Variants in SCG5 observed in about 807,000 individuals in gnomAD.
SCG5 encodes secretogranin V.
A neutral mutation model predicts 25.7 loss-of-function variants in SCG5; 18 were observed. The ratio of observed to expected loss-of-function variants is 0.70; its 90% CI spans 0.48 to 1.04. The LOEUF (loss-of-function observed/expected upper bound fraction) is 1.04. Among genes scored for constraint, SCG5 ranks in the 50% least tolerant of loss-of-function variants. The pLI is 0.00. For missense variants in SCG5, 206 were observed against 259.8 expected, an observed-to-expected ratio of 0.79 and a Z score of 1.42; for synonymous variants, 101 against 91.7, an observed-to-expected ratio of 1.10 and a Z score of -0.58.
In SCG5 at chr15:32,642,863, A is replaced by G. The variant is rs560032218; in HGVS notation, c.-7-723A>G. Among the ~76,000 whole-genome samples the G allele has an allele frequency of 2.0e-5, 3 of 152,186 alleles. No individual in the cohort carries two copies. The East Asian group carries it at 5.8e-4, about 29-fold the overall frequency. ...TTCTGTGCCTGGCATTGTCCTAAAC[A>G]CTCTTAACATGTATTTGCACACACC... On this transcript the variant is annotated intron_variant, in intron 1 of 5. Transcript: ENST00000300175.
At chr15:32,689,467 C>T (rs1287431121) in intron 4 of SCG5, among the ~76,000 whole-genome samples, 1 of 152,156 alleles carries the variant, frequency 6.6e-6, no homozygotes, top group Non-Finnish European at 1.5e-5. Flanking sequence ...AGCTCCCTGG[C>T]TGTATTTAGG....
At chr15:32,689,308 G>A (rs1156854105) in intron 4 of SCG5, among the ~76,000 whole-genome samples, 1 of 152,094 alleles carries the variant, frequency 6.6e-6, no homozygotes, top group Admixed American at 6.6e-5. Context: ...TGGCCAGTGC[G>A]AGTCTCCTCA....
At chr15:32,648,384 G>T (rs2053978635) in intron 2 of SCG5, among the ~76,000 whole-genome samples, 1 of 152,072 alleles carries the variant, frequency 6.6e-6, no homozygotes, top group South Asian at 2.1e-4. Context: ...ATCCCTTTTC[G>T]ATTGTTCTTC....
chr15:32,646,957 A>C (rs972684614), intron 2 of SCG5, among the ~76,000 whole-genome samples: 1 of 152,214 alleles, frequency 6.6e-6, no homozygotes, highest in Non-Finnish European at 1.5e-5. Flanking sequence ...GAATATACAT[A>C]ATATATTATC....
At chr15:32,659,227 G>A (rs1225431878) in intron 2 of SCG5, among the ~76,000 whole-genome samples, 1 of 152,110 alleles carries the variant, frequency 6.6e-6, no homozygotes, top group Non-Finnish European at 1.5e-5. Flanking sequence ...GATAATAGGA[G>A]AAATGTGCCC....
chr15:32,663,074 T>TATAA (rs2054260131), intron 2 of SCG5, among the ~76,000 whole-genome samples: 1 of 59,146 alleles, frequency 1.7e-5, no homozygotes, highest in African/African-American at 5.5e-5. Context: ...TATATATATA[T>TATAA]ATATAATATA....
intron 2 of SCG5, among the ~76,000 whole-genome samples, chr15:32,650,510 C>T (rs561442544): frequency 2.6e-5 from 4 of 152,340 alleles, no homozygotes; most frequent in African/African-American, 4.8e-5. Flanking sequence ...CGGTTGCTCA[C>T]TGGTCTCCAA....
intron 2 of SCG5, among the ~76,000 whole-genome samples, chr15:32,676,708 A>G (rs889661959): frequency 2.0e-5 from 3 of 152,228 alleles, no homozygotes; most frequent in East Asian, 3.8e-4. Context: ...TAAAAGGATA[A>G]TCAAAGATTT....
chr15:32,651,236 A>G (rs1480917486), intron 2 of SCG5, among the ~76,000 whole-genome samples: 1 of 152,196 alleles, frequency 6.6e-6, no homozygotes, highest in Non-Finnish European at 1.5e-5. Context: ...TCTTTTTTAT[A>G]ACACTGACTG....
chr15:32,678,742 A>G (rs1162366756), intron 2 of SCG5, among the ~76,000 whole-genome samples: 2 of 152,210 alleles, frequency 1.3e-5, no homozygotes, highest in Non-Finnish European at 1.5e-5. Flanking sequence ...TAAATGTCTA[A>G]AATGAATTGG....
At chr15:32,673,880 C>T (rs1348261999) in intron 2 of SCG5, among the ~76,000 whole-genome samples, 3 of 152,018 alleles carry the variant, frequency 2.0e-5, no homozygotes, top group African/African-American at 7.2e-5. Context: ...ATTACAGGCG[C>T]CTGCCTGTAA....
intron 4 of SCG5, among the ~76,000 whole-genome samples, chr15:32,687,950 C>G (rs1245915940): frequency 6.6e-6 from 1 of 152,124 alleles, no homozygotes; most frequent in African/African-American, 2.4e-5. Flanking sequence ...TGACCACATA[C>G]TATATGCCAG....
chr15:32,642,166 A>G (rs1189078885), intron 1 of SCG5, among the ~76,000 whole-genome samples: 1 of 152,090 alleles, frequency 6.6e-6, no homozygotes, highest in Non-Finnish European at 1.5e-5. Context: ...TCTTTGCAGA[A>G]AAAGAAATTG....
intron 2 of SCG5, among the ~76,000 whole-genome samples, chr15:32,652,436 G>T (rs182514034): frequency 6.6e-6 from 1 of 152,298 alleles, no homozygotes; most frequent in East Asian, 1.9e-4. Context: ...GTTGTTTTAG[G>T]ATGTGAGAAA....
intron 5 of SCG5, among the ~76,000 whole-genome samples, chr15:32,693,898 T>C (rs8032173): frequency 0.17 from 25,294 of 152,090 alleles, 3,157 homozygotes; most frequent in East Asian, 0.6. Context: ...TCACCTGAGG[T>C]CAGTAGTTCA....
At chr15:32,680,696 C>A (rs1408973201) in intron 3 of SCG5, among the ~76,000 whole-genome samples, 1 of 152,048 alleles carries the variant, frequency 6.6e-6, no homozygotes, top group East Asian at 1.9e-4. Flanking sequence ...TCCTAAAATC[C>A]TGTTTATTTG....
At chr15:32,643,877 C>A in intron 2 of SCG5, 59 bp downstream of exon 2, 1 of 1,405,522 alleles carries the variant, frequency 7.1e-7, no homozygotes, top group Non-Finnish European at 9.9e-7. Context: ...AATATATTTG[C>A]ACACTTCTCA....
At chr15:32,679,635 G>A in intron 2 of SCG5, 131 bp from the exon 3 acceptor site, 1 of 973,592 alleles carries the variant, frequency 1.0e-6, no homozygotes, top group Non-Finnish European at 1.6e-6. Flanking sequence ...TAGAGGGCAA[G>A]AACCATTTCA....
At chr15:32,691,508 G>T (rs2054856367) in intron 4 of SCG5, among the ~76,000 whole-genome samples, 1 of 152,180 alleles carries the variant, frequency 6.6e-6, no homozygotes, top group East Asian at 1.9e-4. Flanking sequence ...CATTGCAGAG[G>T]ACTTTATTAA....
Sources: gnomAD v4.1 joint callset for allele counts (sites outside exome capture counted in the v4.1 genomes callset) on GRCh38, gnomAD v4.1.1 for gene constraint, MANE v1.5 for transcripts, NCBI Gene and HGNC (gene_info 2026-07-23, HGNC 2026-07-21) for gene names.